TFCP2L1: variants seen among roughly 807,000 people sequenced by gnomAD.
TFCP2L1 encodes the protein transcription factor CP2-like protein 1.
TFCP2L1 carries 12 observed loss-of-function variants against 72.2 expected under a neutral mutation model. The observed-to-expected ratio is 0.17, with a 90% CI of 0.11 to 0.27. The LOEUF (loss-of-function observed/expected upper bound fraction) is 0.27, where lower values mean the gene tolerates loss of function less well. Ranked by LOEUF, TFCP2L1 falls within the 10% of genes least tolerant of loss-of-function variation. The pLI is 1.00. For synonymous variants in TFCP2L1, 260 were observed against 251.0 expected (o/e 1.04, Z -0.34); for missense variants, 488 against 624.6 (o/e 0.78, Z 2.33).
chr2:121,231,546 C>A (rs182582417), intron 13 of TFCP2L1, among the ~76,000 whole-genome samples: 1 of 152,366 alleles, frequency 6.6e-6, no homozygotes, highest in East Asian at 1.9e-4. Flanking sequence ...ACAGCCCTGA[C>A]TATAAGCACC....
chr2:121,256,138 C>A (rs558150232), intron 2 of TFCP2L1, among the ~76,000 whole-genome samples: 1 of 152,312 alleles, frequency 6.6e-6, no homozygotes, highest in East Asian at 1.9e-4. Context: ...CTGCCCCATG[C>A]CCTCAGCTCT....
intron 3 of TFCP2L1, 129 bp downstream of exon 3, chr2:121,249,442 G>A (rs1246554530): frequency 1.6e-5 from 13 of 813,514 alleles, no homozygotes; most frequent in Non-Finnish European, 2.6e-5. Context: ...TCTCACCGTT[G>A]AGGGCTGAGC....
At chr2:121,227,614 G>A (rs937718494) in intron 13 of TFCP2L1, among the ~76,000 whole-genome samples, 1 of 152,052 alleles carries the variant, frequency 6.6e-6, no homozygotes, top group Non-Finnish European at 1.5e-5. Context: ...GCAGGAGGCG[G>A]AGGTTGCAGT....
chr2:121,258,344 T>C (rs1686767526), intron 2 of TFCP2L1, among the ~76,000 whole-genome samples: 1 of 152,044 alleles, frequency 6.6e-6, no homozygotes, highest in South Asian at 2.1e-4. Flanking sequence ...AGGACTCCAG[T>C]CTATAGAGCT....
intron 2 of TFCP2L1, among the ~76,000 whole-genome samples, chr2:121,276,312 G>A (rs1008832666): frequency 7.4e-5 from 10 of 134,764 alleles, no homozygotes; most frequent in Middle Eastern, 3.9e-3. Context: ...GAGAATATGC[G>A]GAGTTTGGTT....
rs949753310 is a variant in TFCP2L1, at chr2:121,249,773, G to A, written c.215-126C>T. On this transcript the variant is annotated intron_variant, in intron 2 of 14. Transcript: ENST00000263707. ...CCTCAAGGCCCTGGGGAGCAAAGCA[G>A]AGAAGAAAACCCACGACCAGCTCAG... The A allele has an allele frequency of 3.2e-5, 30 of 944,042 alleles. 2 individuals carry two copies. The Middle Eastern group carries it at 3.1e-3, about 98-fold the overall frequency. 58.5% of individuals were successfully genotyped at this position (944,042 alleles called of 1,614,324 possible).
chr2:121,239,316 C>A (rs553421529), intron 8 of TFCP2L1, among the ~76,000 whole-genome samples: 1 of 152,208 alleles, frequency 6.6e-6, no homozygotes, highest in African/African-American at 2.4e-5. Context: ...CCGCATGCAC[C>A]CTCAAGCCAG....
intron 4 of TFCP2L1, 84 bp from the exon 5 acceptor site, chr2:121,248,354 A>G (rs1357304334): frequency 9.1e-7 from 1 of 1,099,474 alleles, no homozygotes; most frequent in East Asian, 2.7e-5. Flanking sequence ...ACAGGTCCCA[A>G]TTCCTTCGCC....
chr2:121,268,392 T>C (rs1270165595), intron 2 of TFCP2L1, among the ~76,000 whole-genome samples: 1 of 151,972 alleles, frequency 6.6e-6, no homozygotes, highest in Non-Finnish European at 1.5e-5. Flanking sequence ...GTCTCACTGT[T>C]ACCCAGGCTG....
At chr2:121,240,349 G>C (rs1405215235) in intron 7 of TFCP2L1, 1 of 985,316 alleles carries the variant, frequency 1.0e-6, no homozygotes, top group Non-Finnish European at 1.2e-6. Context: ...GTCTGCTGGA[G>C]AAAGTCTATC....
intron 14 of TFCP2L1, among the ~76,000 whole-genome samples, chr2:121,224,608 C>A (rs1685986491): frequency 6.6e-6 from 1 of 152,142 alleles, no homozygotes; most frequent in South Asian, 2.1e-4. Context: ...AGCCCCAGGC[C>A]CAAGGATGAA....
At position 121,234,137 on chromosome 2, in the gene TFCP2L1, C is replaced by T; in HGVS notation, c.1152G>A (p.Val384=). Reference sequence around the variant, plus strand: ...TGCCGTCCCGCTTCTGCTGCAGGGGCACTCGATTCTGCTCCAGCTCCTGAC... The same window carrying T: ...TGCCGTCCCGCTTCTGCTGCAGGGGTACTCGATTCTGCTCCAGCTCCTGAC... ...YVCQELEQNR[V]PLQQKRDGSG... Residue 384 remains valine (V), a synonymous_variant, in exon 12 of 15, where the codon GTG becomes GTA. Transcript: ENST00000263707. 6.2e-7 allele frequency: 1 copy of T among 1,614,150 alleles called. No individual in the cohort carries two copies. The highest frequency in any genetic ancestry group is 8.5e-7 in the Non-Finnish European group (1 of 1,180,046).
At chr2:121,277,720 G>C (rs1687174241) in intron 2 of TFCP2L1, among the ~76,000 whole-genome samples, 1 of 152,038 alleles carries the variant, frequency 6.6e-6, no homozygotes, top group Admixed American at 6.6e-5. Flanking sequence ...AGAAATGCAA[G>C]TCCTCAAATC....
At chr2:121,252,010 CTATTCTATTG>C (rs1377869657) in intron 2 of TFCP2L1, among the ~76,000 whole-genome samples, 45 of 152,222 alleles carry the variant, frequency 3.0e-4, no homozygotes, top group South Asian at 6.2e-4. Context: ...TACGGGCATT[CTATTCTATTG>C]TATTCTATTG....
chr2:121,244,524 T>C (rs1686442703), intron 6 of TFCP2L1, among the ~76,000 whole-genome samples: 1 of 152,152 alleles, frequency 6.6e-6, no homozygotes, highest in South Asian at 2.1e-4. Context: ...TGCCAAGGCC[T>C]TCCTCAGGGC....
In TFCP2L1 at chr2:121,285,092, C is replaced by T; in HGVS notation, c.18G>A (p.Thr6=). MLFWH[T]QPEHYNQHNS... ...TGTGCTGGTTGTAGTGCTCGGGCTG[C>T]GTGTGCCAGAAGAGCATGGCTGGAA... The change falls in exon 1 of 15, where the codon ACG becomes ACA. Residue 6 remains threonine, a synonymous_variant. Coordinates refer to ENST00000263707, the MANE Select transcript of TFCP2L1 (RefSeq NM_014553.3). 2.6e-6 allele frequency: 4 copies of T among 1,522,520 alleles called. No individual in the cohort carries two copies. The highest frequency in any genetic ancestry group is 3.5e-6 in the Non-Finnish European group (4 of 1,137,094). The allele number at this position is 1,522,520 out of a possible 1,614,324, so 94.3% of individuals were successfully genotyped here.
At chr2:121,239,447 C>G in intron 8 of TFCP2L1, 111 bp downstream of exon 8, 1 of 1,200,624 alleles carries the variant, frequency 8.3e-7, no homozygotes, top group East Asian at 2.4e-5. Flanking sequence ...CACGAGTTAG[C>G]TACCCTGAAA....
chr2:121,275,200 C>CG (rs1687120940), intron 2 of TFCP2L1, among the ~76,000 whole-genome samples: 1 of 151,836 alleles, frequency 6.6e-6, no homozygotes, highest in South Asian at 2.1e-4. Flanking sequence ...CTGGCTAACA[C>CG]GGTGAAACCC....
chr2:121,265,641 G>C (rs926281622), intron 2 of TFCP2L1, among the ~76,000 whole-genome samples: 1 of 151,868 alleles, frequency 6.6e-6, no homozygotes. Context: ...GAGCCATCAC[G>C]CCTGGCTAAT....
Sources: allele counts gnomAD v4.1 joint callset (sites outside exome capture counted in the v4.1 genomes callset), GRCh38; gene constraint gnomAD v4.1.1; transcripts MANE v1.5; gene names NCBI Gene and HGNC (gene_info 2026-07-23, HGNC 2026-07-21).